MID1: variants seen among roughly 807,000 people sequenced by gnomAD.
MID1 encodes midline 1, also known as E3 ubiquitin-protein ligase Midline-1.
In MID1, 7 loss-of-function variants were observed where a neutral mutation model predicts 40.4. The ratio of observed to expected loss-of-function variants is 0.17; its 90% CI spans 0.10 to 0.33. The LOEUF (loss-of-function observed/expected upper bound fraction) is 0.33. Ranked by LOEUF, MID1 falls within the 10% of genes least tolerant of loss-of-function variation. The probability of loss-of-function intolerance (pLI) is 1.00; values close to 1 mark genes in which losing one functional copy is unlikely to be tolerated. For missense variants in MID1, 367 were observed against 558.5 expected (o/e 0.66, Z 3.46); for synonymous variants, 229 against 221.2 (o/e 1.04, Z -0.31).
Position 10,474,690 on chromosome X carries a change from T to C in MID1, c.1074A>G (p.Thr358=), listed in dbSNP as rs761240374. The change falls in exon 6 of 10, where the codon ACA becomes ACG. Residue 358 remains threonine (T), a synonymous_variant. Coordinates refer to ENST00000317552, the MANE Select transcript of MID1 (RefSeq NM_000381.4). ...AAAAATCTAAGGCAAAGGTGTCAAA[T>C]GTGTCATTGAGGTTGATTTCAGGAA... The part of the protein sequence containing the change: ...VLIPEINLND[T]FDTFALDFSR... 4.4e-5 allele frequency: 53 copies of C among 1,205,824 alleles called. No individual in the cohort carries two copies. Among genetic ancestry groups the C allele is most frequent in the Non-Finnish European group, 5.9e-5 (53 of 891,349 alleles).
intron 1 of MID1, among the ~76,000 whole-genome samples, chrX:10,604,003 G>A (rs1474544230): frequency 8.9e-6 from 1 of 111,767 alleles, no homozygotes; most frequent in Non-Finnish European, 1.9e-5. Context: ...AAAGATTGGT[G>A]CACTTTGGTA....
chrX:10,537,949 TC>T, intron 2 of MID1, among the ~76,000 whole-genome samples: 1 of 110,924 alleles, frequency 9.0e-6, no homozygotes, highest in Non-Finnish European at 1.9e-5. Flanking sequence ...TTGAAATTTC[TC>T]CCCACCTTCC....
chrX:10,759,214 G>A (rs1485165440), intron 1 of MID1, among the ~76,000 whole-genome samples: 4 of 112,285 alleles, frequency 3.6e-5, no homozygotes, highest in Non-Finnish European at 7.5e-5. Context: ...AGACTTTGAA[G>A]ACATTTAGTC....
chrX:10,685,728 C>T (rs1406756498), intron 1 of MID1, among the ~76,000 whole-genome samples: 1 of 111,453 alleles, frequency 9.0e-6, no homozygotes, highest in Non-Finnish European at 1.9e-5. Context: ...ATAATTTCCC[C>T]TGTATCTTTG....
chrX:10,577,922 G>C (rs1934916579), intron 1 of MID1, among the ~76,000 whole-genome samples: 1 of 110,815 alleles, frequency 9.0e-6, no homozygotes, highest in African/African-American at 3.3e-5. Flanking sequence ...TAAATCATCA[G>C]GAAAGTGTTT....
At position 10,636,785 on chromosome X, in the gene MID1, G is replaced by GATATATATATATATATATATATAT. The variant is rs60188235; in HGVS notation, c.-186-16390_-186-16367dup. 3.4e-3 allele frequency among the ~76,000 whole-genome samples: 144 copies of GATATATATATATATATATATATAT among 42,668 alleles called. 7 individuals carry two copies. The highest frequency in any genetic ancestry group is 4.3e-3 in the Non-Finnish European group (107 of 24,742). The allele number at this position is 42,668 out of a possible 115,157, so 37.1% of individuals were successfully genotyped here. On this transcript the variant is annotated intron_variant, in intron 1 of 10. Coordinates refer to the MID1 transcript ENST00000380785. The stretch of plus-strand genomic sequence containing the variant: ...CAAACTGGGCCATTCCAACAATGGG[G>GATATATATATATATATATATATAT]ATATATATATATATATATATATATA...
intron 3 of MID1, among the ~76,000 whole-genome samples, chrX:10,519,138 C>G (rs1932590234): frequency 9.0e-6 from 1 of 111,422 alleles, no homozygotes; most frequent in South Asian, 3.7e-4. Flanking sequence ...TAAGGAGTAA[C>G]TAGCTGAAAT....
At chrX:10,775,771 G>T in intron 1 of MID1, among the ~76,000 whole-genome samples, 1 of 111,380 alleles carries the variant, frequency 9.0e-6, no homozygotes, top group African/African-American at 3.3e-5. Flanking sequence ...ACCCAAGAAT[G>T]TCAGCATATA....
intron 1 of MID1, among the ~76,000 whole-genome samples, chrX:10,608,726 T>C (rs1191914507): frequency 1.8e-5 from 2 of 111,938 alleles, no homozygotes; most frequent in African/African-American, 6.5e-5. Context: ...ACCCAAATGG[T>C]CTCATTCACA....
chrX:10,725,123 A>G (rs1242853811), intron 1 of MID1, among the ~76,000 whole-genome samples: 1 of 112,290 alleles, frequency 8.9e-6, no homozygotes, highest in Non-Finnish European at 1.9e-5. Context: ...AGAAGAAAAC[A>G]GCACTTTTTT....
intron 1 of MID1, among the ~76,000 whole-genome samples, chrX:10,784,082 C>T (rs962729041): frequency 1.8e-5 from 2 of 111,269 alleles, no homozygotes; most frequent in Non-Finnish European, 3.8e-5. Flanking sequence ...CTACTTTATC[C>T]CGTTTTTACA....
At chrX:10,533,307 C>G (rs1470583049) in intron 2 of MID1, among the ~76,000 whole-genome samples, 2 of 65,940 alleles carry the variant, frequency 3.0e-5, no homozygotes, top group Admixed American at 2.0e-4. Flanking sequence ...TTTTAATAAT[C>G]CAAGAAAGAA....
chrX:10,712,204 T>C (rs1351468041), intron 1 of MID1, among the ~76,000 whole-genome samples: 1 of 110,899 alleles, frequency 9.0e-6, no homozygotes, highest in Non-Finnish European at 1.9e-5. Flanking sequence ...GGTCAGGCAG[T>C]TGTTAACTGT....
In MID1 at chrX:10,567,417, G is replaced by A. The variant is rs758530606; in HGVS notation, c.131C>T (p.Thr44Ile). 1 of 1,209,674 alleles carries A rather than the reference G, an allele frequency of 8.3e-7. No individual in the cohort carries two copies. The highest frequency in any genetic ancestry group is 1.1e-6 in the Non-Finnish European group (1 of 894,014). Residue 44 changes from threonine to isoleucine, a missense_variant, in exon 2 of 10, where the codon ACC (threonine) becomes ATC (isoleucine). Thr to Ile is a moderately conservative substitution (Grantham distance 89). Coordinates refer to ENST00000317552, the MANE Select transcript of MID1 (RefSeq NM_000381.4). The stretch of plus-strand genomic sequence containing the variant: ...GGTGATGGACTCCACAGACTCGTTG[G>A]TGGCACAGTGTGATACTAGGATGCG... The part of the protein sequence containing the change: ...AHRILVSHCA[T>I]NESVESITAF...
At chrX:10,455,199 C>A (rs1928585194) in intron 8 of MID1, 122 bp from the exon 9 acceptor site, 2 of 559,456 alleles carry the variant, frequency 3.6e-6, no homozygotes, top group Non-Finnish European at 3.1e-6. Flanking sequence ...CTCCCTGAGT[C>A]ATGCCTCCTA....
At chrX:10,816,818 T>C (rs1185315802) in intron 1 of MID1, among the ~76,000 whole-genome samples, 3 of 112,019 alleles carry the variant, frequency 2.7e-5, no homozygotes, top group African/African-American at 9.7e-5. Flanking sequence ...GAGAGCATGT[T>C]TGGGGAGGTT....
Position 10,449,406 on chromosome X carries a change from T to C in MID1, c.1966A>G (p.Ile656Val), listed in dbSNP as rs371705269. ...KCLTIITGLP[I>V]PDHLDCTEQL... Reference sequence around the variant, plus strand: ...TCTGTGCAGTCCAAATGGTCTGGGATAGGGAGCCCAGTGATAATCGTCAGA... The same window carrying C: ...TCTGTGCAGTCCAAATGGTCTGGGACAGGGAGCCCAGTGATAATCGTCAGA... Residue 656 changes from isoleucine to valine, a missense_variant, in exon 10 of 10, where the codon ATC becomes GTC. Physicochemically the swap from Ile to Val is conservative, Grantham distance 29 (BLOSUM62 3). Coordinates refer to ENST00000317552, the MANE Select transcript of MID1 (RefSeq NM_000381.4). 1 of 1,209,815 alleles carries C rather than the reference T, an allele frequency of 8.3e-7. No individual in the cohort carries two copies. Among genetic ancestry groups the C allele is most frequent in the Non-Finnish European group, 1.1e-6 (1 of 895,191 alleles).
At chrX:10,566,650 C>T (rs1163464675) in intron 2 of MID1, among the ~76,000 whole-genome samples, 2 of 109,102 alleles carry the variant, frequency 1.8e-5, no homozygotes, top group Admixed American at 2.0e-4. Context: ...TGAAAATGAT[C>T]CAGATTTTTA....
chrX:10,674,334 G>A (rs1258020344), intron 1 of MID1, among the ~76,000 whole-genome samples: 2 of 112,097 alleles, frequency 1.8e-5, no homozygotes, highest in Non-Finnish European at 3.8e-5. Context: ...AACCACATTC[G>A]CAACTGAACC....
Sources: gnomAD v4.1 joint callset for allele counts (sites outside exome capture counted in the v4.1 genomes callset) on GRCh38, gnomAD v4.1.1 for gene constraint, MANE v1.5 for transcripts, NCBI Gene and HGNC (gene_info 2026-07-23, HGNC 2026-07-21) for gene names.